KALRN: variants seen among roughly 807,000 people sequenced by gnomAD.
The protein encoded by KALRN is kalirin RhoGEF kinase, also known as kalirin.
KALRN carries 70 observed loss-of-function variants against 353.7 expected under a neutral mutation model. The observed-to-expected ratio is 0.20, with a 90% CI of 0.16 to 0.24. The LOEUF is 0.24. Among genes scored for constraint, KALRN ranks in the 10% least tolerant of loss-of-function variants. KALRN has a pLI of 1.00. For synonymous variants in KALRN, 1,391 were observed against 1,434.8 expected (o/e 0.97, Z 0.69); for missense variants, 2,791 against 3,756.7 (o/e 0.74, Z 6.72).
At position 124,109,709 on chromosome 3, in the gene KALRN, T is replaced by C. The variant is rs28708471; in HGVS notation, c.73+75896T>C. 1.3e-3 allele frequency among the ~76,000 whole-genome samples: 181 copies of C among 136,352 alleles called. 4 individuals carry two copies. Among genetic ancestry groups the C allele is most frequent in the African/African-American group, 4.3e-3 (158 of 36,754 alleles). The allele number at this position is 136,352 out of a possible 152,430, so 89.5% of individuals were successfully genotyped here. On this transcript the variant is annotated intron_variant, in intron 1 of 59. Transcript: ENST00000682506. ...CATATATATATCATACTTTGATATA[T>C]ATATGACATATATATCATACTTTGA...
Position 124,726,082 on chromosome 3 carries a change from TG to T in KALRN, c.*6614del, listed in dbSNP as rs1329183600. The T allele has an allele frequency of 6.6e-6, 1 of 152,232 alleles. No homozygotes were observed. Among genetic ancestry groups the T allele is most frequent in the Admixed American group, 6.5e-5 (1 of 15,282 alleles). 9.4% of individuals were successfully genotyped at this position (152,232 alleles called of 1,614,324 possible). A position where few individuals can be genotyped will look rare whatever the true frequency, so the allele number is the denominator to read the frequency against. On this transcript the variant is annotated 3_prime_UTR_variant, in exon 60 of 60. Transcript: ENST00000682506. The stretch of plus-strand genomic sequence containing the variant: ...GCCTTAAGTGTATCTTCTGGGTTTT[TG>T]GTTATTTTATTATTTTTAAATTTTT...
At chr3:124,571,735 G>C (rs2073529552) in intron 34 of KALRN, among the ~76,000 whole-genome samples, 1 of 151,652 alleles carries the variant, frequency 6.6e-6, no homozygotes, top group African/African-American at 2.4e-5. Flanking sequence ...CTGTTGCCCA[G>C]GCTGGAGTGC....
chr3:124,403,963 G>T (rs942767878), intron 13 of KALRN, among the ~76,000 whole-genome samples: 2 of 152,110 alleles, frequency 1.3e-5, no homozygotes, highest in African/African-American at 4.8e-5. Flanking sequence ...TTACACCTGA[G>T]GGCAGGCAAA....
chr3:124,163,586 A>G, intron 1 of KALRN: 8 of 985,010 alleles, frequency 8.1e-6, no homozygotes, highest in Non-Finnish European at 7.2e-6. Flanking sequence ...TGCTGGACAC[A>G]TAATAGGTTG....
At chr3:124,037,839 C>T (rs2039571745) in intron 1 of KALRN, among the ~76,000 whole-genome samples, 1 of 152,072 alleles carries the variant, frequency 6.6e-6, no homozygotes, top group Admixed American at 6.5e-5. Flanking sequence ...CAGTGTCTGA[C>T]TGATGGACAG....
At chr3:124,267,660 C>A (rs929451158) in intron 4 of KALRN, among the ~76,000 whole-genome samples, 3 of 152,204 alleles carry the variant, frequency 2.0e-5, no homozygotes, top group African/African-American at 7.2e-5. Flanking sequence ...GCCTATGGCA[C>A]CTCCTTCCTT....
chr3:124,392,251 G>T lies in KALRN; in HGVS notation c.1963-2884G>T, dbSNP rs192767920. Among the ~76,000 whole-genome samples, 446 of 152,130 alleles carry T rather than the reference G, an allele frequency of 2.9e-3. 1 individual carries two copies. Among genetic ancestry groups the T allele is most frequent in the Non-Finnish European group, 4.7e-3 (323 of 68,002 alleles). ...TTTTTAAAAAAATTTTTTTATAGATGCTGGGTCTTACCATGTTGTCTAAGC... is the reference window on the plus strand; with the variant it reads ...TTTTTAAAAAAATTTTTTTATAGATTCTGGGTCTTACCATGTTGTCTAAGC... On this transcript the variant is annotated intron_variant, in intron 11 of 59. Coordinates refer to ENST00000682506, the MANE Select transcript of KALRN (RefSeq NM_001388419.1).
intron 45 of KALRN, among the ~76,000 whole-genome samples, chr3:124,662,236 C>T (rs2084987022): frequency 7.1e-6 from 1 of 140,256 alleles, no homozygotes; most frequent in Non-Finnish European, 1.5e-5. Flanking sequence ...GGTTCTTGCC[C>T]TGTCACCCAG....
chr3:124,633,322 C>T (rs970481989), intron 35 of KALRN, among the ~76,000 whole-genome samples: 3 of 152,206 alleles, frequency 2.0e-5, no homozygotes, highest in African/African-American at 4.8e-5. Context: ...AGCTGAGATT[C>T]TGTAACCAAA....
chr3:124,377,509 A>T (rs1005149136), intron 10 of KALRN, among the ~76,000 whole-genome samples: 1 of 152,152 alleles, frequency 6.6e-6, no homozygotes, highest in African/African-American at 2.4e-5. Context: ...ACTTGAAAAG[A>T]ATATGCGTTC....
intron 34 of KALRN, among the ~76,000 whole-genome samples, chr3:124,568,203 A>G (rs1001909737): frequency 6.6e-6 from 1 of 152,234 alleles, no homozygotes; most frequent in Admixed American, 6.5e-5. Context: ...TTAAACAGAA[A>G]TTTCTCCAAA....
intron 25 of KALRN, among the ~76,000 whole-genome samples, chr3:124,472,817 C>T (rs1045325948): frequency 3.9e-5 from 6 of 152,060 alleles, no homozygotes; most frequent in South Asian, 2.1e-4. Context: ...ACAAATATGA[C>T]ACTTTATTGA....
chr3:124,190,844 T>C (rs2074820700), intron 1 of KALRN, among the ~76,000 whole-genome samples: 1 of 152,176 alleles, frequency 6.6e-6, no homozygotes, highest in South Asian at 2.1e-4. Context: ...TAAATTCAAT[T>C]CTGACATTAT....
At chr3:124,636,706 A>AT (rs2081385204) in intron 36 of KALRN, among the ~76,000 whole-genome samples, 1 of 143,914 alleles carries the variant, frequency 6.9e-6, no homozygotes, top group Non-Finnish European at 1.6e-5. Context: ...TGCCCCTAGC[A>AT]TTTTTGCTGG....
chr3:124,219,410 T>C (rs1033024530), intron 1 of KALRN, among the ~76,000 whole-genome samples: 3 of 152,190 alleles, frequency 2.0e-5, no homozygotes, highest in Non-Finnish European at 4.4e-5. Context: ...TATGGAAATA[T>C]ACTTCAAATG....
chr3:124,656,391 A>G (rs1271198962), intron 39 of KALRN, among the ~76,000 whole-genome samples: 1 of 152,194 alleles, frequency 6.6e-6, no homozygotes, highest in Non-Finnish European at 1.5e-5. Context: ...CGGGTGGATC[A>G]CGAGGTCAGG....
chr3:124,626,297 T>C (rs1532669), intron 34 of KALRN, among the ~76,000 whole-genome samples: 53,683 of 152,070 alleles, frequency 0.35, 10,941 homozygotes, highest in African/African-American at 0.56. Context: ...GAATTTAACT[T>C]TGATGAGGGC....
At chr3:124,129,285 A>G (rs2065021913) in intron 1 of KALRN, among the ~76,000 whole-genome samples, 1 of 151,856 alleles carries the variant, frequency 6.6e-6, no homozygotes, top group Non-Finnish European at 1.5e-5. Flanking sequence ...TGTTCTTCCT[A>G]CTGTTGTCTT....
At chr3:124,403,188 T>A (rs909083482) in intron 13 of KALRN, among the ~76,000 whole-genome samples, 2 of 152,202 alleles carry the variant, frequency 1.3e-5, no homozygotes, top group African/African-American at 4.8e-5. Context: ...TGCCATGTGG[T>A]CAGAGTGAGA....
Sources: gnomAD v4.1 joint callset for allele counts (sites outside exome capture counted in the v4.1 genomes callset) on GRCh38, gnomAD v4.1.1 for gene constraint, MANE v1.5 for transcripts, NCBI Gene and HGNC (gene_info 2026-07-23, HGNC 2026-07-21) for gene names.